The following CEP89 variants were observed in gnomAD, a reference collection of about 807,000 sequenced individuals.
CEP89 encodes the protein centrosomal protein 89, also known as centrosomal protein of 89 kDa.
In CEP89, 95 loss-of-function variants were observed where a neutral mutation model predicts 97.6. That is an observed-to-expected ratio of 0.97 (90% confidence interval 0.82 to 1.15). The LOEUF is 1.15. Among genes scored for constraint, CEP89 ranks in the 50% most tolerant of loss-of-function variants. CEP89 has a pLI of 0.00. For synonymous variants in CEP89, 354 were observed against 349.1 expected, an observed-to-expected ratio of 1.01 and a Z score of -0.16; for missense variants, 869 against 947.7, an observed-to-expected ratio of 0.92 and a Z score of 1.09.
At chr19:32,904,234 G>GA (rs1445581876) in intron 14 of CEP89, among the ~76,000 whole-genome samples, 1 of 152,174 alleles carries the variant, frequency 6.6e-6, no homozygotes, top group East Asian at 1.9e-4. Context: ...CAGTGACAAT[G>GA]AAAAATTCTT....
chr19:32,942,972 C>G (rs1464523228), intron 5 of CEP89, among the ~76,000 whole-genome samples: 1 of 151,856 alleles, frequency 6.6e-6, no homozygotes, highest in African/African-American at 2.4e-5. Flanking sequence ...CAGCCTCCAG[C>G]TGCCAGGCTC....
chr19:32,930,795 C>A (rs1181483432), intron 9 of CEP89, among the ~76,000 whole-genome samples: 7 of 152,304 alleles, frequency 4.6e-5, no homozygotes, highest in Admixed American at 2.6e-4. Context: ...GCTTTCCTTT[C>A]GAAGTTAATG....
At chr19:32,933,420 C>G (rs1277090597) in intron 8 of CEP89, 31 bp downstream of exon 8, 3 of 1,445,322 alleles carry the variant, frequency 2.1e-6, no homozygotes, top group Non-Finnish European at 9.7e-7. Context: ...CCTGCTCATT[C>G]CTCTAATAAA....
intron 16 of CEP89, among the ~76,000 whole-genome samples, chr19:32,891,716 A>G (rs2145876493): frequency 6.6e-6 from 1 of 152,128 alleles, no homozygotes; most frequent in African/African-American, 2.4e-5. Context: ...AATTCAATGA[A>G]TAAAATAAAA....
In CEP89 at chr19:32,971,952, G is replaced by A. The variant is rs1295675492; in HGVS notation, c.-78C>T. On this transcript the variant is annotated 5_prime_UTR_variant, in exon 1 of 19. Transcript: ENST00000305768. ...CCACAGCCAGGGACCACTCCCTAAAGCCCGCCGCAGGCCCAGCCCTCACGC... is the reference window on the plus strand; with the variant it reads ...CCACAGCCAGGGACCACTCCCTAAAACCCGCCGCAGGCCCAGCCCTCACGC... The A allele has an allele frequency of 7.4e-6, 11 of 1,482,344 alleles. No individual in the cohort carries two copies. The South Asian group carries it at 9.6e-5, about 13-fold the overall frequency. The allele number at this position is 1,482,344 out of a possible 1,614,324, so 91.8% of individuals were successfully genotyped here. A position where few individuals can be genotyped will look rare whatever the true frequency, so the allele number is the denominator to read the frequency against.
intron 16 of CEP89, among the ~76,000 whole-genome samples, chr19:32,896,384 A>G (rs1969642049): frequency 6.6e-6 from 1 of 152,192 alleles, no homozygotes; most frequent in African/African-American, 2.4e-5. Context: ...CACCCTCTTC[A>G]ATACATGGTG....
rs1465712350 is a variant in CEP89, at chr19:32,879,377, C to A, written c.2137G>T (p.Glu713Ter). Reference protein sequence around the residue: ...VLDQALQQNREMEGELEVIWE... With the variant: ...VLDQALQQNR ...ATAACTTCAAGTTCACCTTCCATTT[C>A]TCTGAGGGAAATAAGTTTAAAATGG... is the stretch of plus-strand genomic sequence containing the variant. Residue 713 changes from glutamate to a stop codon, truncating the protein, a stop_gained and splice_region_variant, in exon 19 of 19, where the codon GAA (glutamate) becomes TAA (stop). Transcript: ENST00000305768. LOFTEE classifies it low-confidence loss of function (END_TRUNC). The A allele has an allele frequency of 3.1e-6, 5 of 1,612,792 alleles. No individual in the cohort carries two copies. In the African/African-American group the frequency reaches 5.3e-5, roughly 17 times the overall value.
intron 16 of CEP89, among the ~76,000 whole-genome samples, chr19:32,898,301 A>G (rs1183378429): frequency 6.6e-6 from 1 of 152,088 alleles, no homozygotes; most frequent in Non-Finnish European, 1.5e-5. Context: ...TATGGCATGT[A>G]CTCATTCATA....
intron 3 of CEP89, among the ~76,000 whole-genome samples, chr19:32,956,368 T>C (rs1195294167): frequency 6.6e-6 from 1 of 151,640 alleles, no homozygotes; most frequent in Non-Finnish European, 1.5e-5. Flanking sequence ...TTTTCTTTTT[T>C]TATTTTTGTT....
chr19:32,945,115 T>A (rs1427574813), intron 5 of CEP89, among the ~76,000 whole-genome samples: 1 of 151,810 alleles, frequency 6.6e-6, no homozygotes, highest in Non-Finnish European at 1.5e-5. Context: ...AGAAACCCTG[T>A]CTCTACTAAA....
chr19:32,962,707 T>G (rs902242818), intron 2 of CEP89, among the ~76,000 whole-genome samples: 5 of 152,186 alleles, frequency 3.3e-5, no homozygotes, highest in Non-Finnish European at 5.9e-5. Flanking sequence ...GAGAAAAGAC[T>G]TGCAAATCAC....
At chr19:32,952,641 C>T (rs1022083935) in intron 4 of CEP89, among the ~76,000 whole-genome samples, 3 of 151,886 alleles carry the variant, frequency 2.0e-5, no homozygotes, top group African/African-American at 7.3e-5. Flanking sequence ...CAGTGGCTCA[C>T]ACCTGTAATC....
intron 2 of CEP89, 104 bp from the exon 3 acceptor site, chr19:32,960,162 G>T: frequency 8.1e-7 from 1 of 1,235,016 alleles, no homozygotes; most frequent in South Asian, 1.4e-5. Flanking sequence ...GCTGGACAGT[G>T]TCGACTGAGC....
At chr19:32,892,239 A>G (rs928418691) in intron 16 of CEP89, among the ~76,000 whole-genome samples, 1 of 132,372 alleles carries the variant, frequency 7.6e-6, no homozygotes, top group Non-Finnish European at 1.6e-5. Context: ...ATATATATAT[A>G]TATGTCTAGT....
Position 32,936,082 on chromosome 19 carries a change from C to T in CEP89, c.667+1549G>A, listed in dbSNP as rs959435308. ...ACCTGGGTGTCTCTGCAGTCTGCAC[C>T]CTCGGGGGCCTGGGAAGGCTCCCGT... is the stretch of plus-strand genomic sequence containing the variant. On this transcript the variant is annotated intron_variant, in intron 7 of 18. Transcript: ENST00000305768. The surrounding 1 kb of genome is among the most constrained non-coding windows in gnomAD (Gnocchi z 4.5). 2.0e-5 allele frequency among the ~76,000 whole-genome samples: 3 copies of T among 152,040 alleles called. No homozygotes were observed. Among genetic ancestry groups the T allele is most frequent in the Non-Finnish European group, 4.4e-5 (3 of 67,962 alleles).
chr19:32,917,171 T>A (rs1970144348), intron 13 of CEP89, among the ~76,000 whole-genome samples: 1 of 152,012 alleles, frequency 6.6e-6, no homozygotes, highest in Non-Finnish European at 1.5e-5. Context: ...TTCAAGAAAA[T>A]TAAGCTCAGT....
intron 16 of CEP89, among the ~76,000 whole-genome samples, chr19:32,890,273 G>A (rs973643230): frequency 1.3e-5 from 2 of 152,050 alleles, no homozygotes; most frequent in African/African-American, 2.4e-5. Flanking sequence ...GGTGGCATGC[G>A]CCTATAGTCC....
At chr19:32,962,772 A>G (rs1971197299) in intron 2 of CEP89, among the ~76,000 whole-genome samples, 2 of 152,184 alleles carry the variant, frequency 1.3e-5, no homozygotes, top group Non-Finnish European at 2.9e-5. Context: ...AGGATGCAAT[A>G]ATGGAAAACA....
intron 16 of CEP89, among the ~76,000 whole-genome samples, chr19:32,897,811 C>T (rs1451367716): frequency 6.6e-6 from 1 of 152,186 alleles, no homozygotes; most frequent in African/African-American, 2.4e-5. Context: ...ATCCTCCCAC[C>T]TCAGTTTCTC....
Sources: gnomAD v4.1 joint callset for allele counts (sites outside exome capture counted in the v4.1 genomes callset) on GRCh38, gnomAD v4.1.1 for gene constraint, Gnocchi (gnomAD v3.1) non-coding constraint, MANE v1.5 for transcripts, NCBI Gene and HGNC (gene_info 2026-07-23, HGNC 2026-07-21) for gene names.